MAGI1: variants seen among roughly 807,000 people sequenced by gnomAD.
MAGI1 encodes the protein membrane associated guanylate kinase, WW and PDZ domain containing 1.
A neutral mutation model predicts 139.9 loss-of-function variants in MAGI1; 58 were observed. The ratio of observed to expected loss-of-function variants is 0.41; its 90% confidence interval spans 0.34 to 0.52. MAGI1 has a LOEUF of 0.52. Ranked by LOEUF, MAGI1 falls within the 20% of genes least tolerant of loss-of-function variation. The probability of loss-of-function intolerance (pLI) is 0.12; values close to 1 mark genes in which losing one functional copy is unlikely to be tolerated. For missense variants in MAGI1, 1,874 were observed against 1,901.6 expected (o/e 0.99, Z 0.27); for synonymous variants, 812 against 737.9 (o/e 1.10, Z -1.63).
At chr3:65,624,418 A>C (rs990253930) in intron 1 of MAGI1, among the ~76,000 whole-genome samples, 2 of 152,242 alleles carry the variant, frequency 1.3e-5, no homozygotes, top group African/African-American at 4.8e-5. Context: ...GGTATAATCA[A>C]GCACTGGGGT....
chr3:65,558,680 A>C (rs2080200816), intron 2 of MAGI1, among the ~76,000 whole-genome samples: 1 of 144,630 alleles, frequency 6.9e-6, no homozygotes, highest in African/African-American at 2.6e-5. Context: ...GCATGCTAAA[A>C]ACAAACAAAC....
chr3:65,652,907 G>C lies in MAGI1; in HGVS notation c.314-30819C>G, dbSNP rs550810635. ...GAAAGCCATGATGCCCAAAACTTCG[G>C]ACAAGAAAGCTATAGTCCTGGCCTA... On this transcript the variant is annotated intron_variant, in intron 1 of 22. Coordinates refer to ENST00000402939, the MANE Select transcript of MAGI1 (RefSeq NM_001033057.2). Among the ~76,000 whole-genome samples, 17 of 152,176 alleles carry C rather than the reference G, an allele frequency of 1.1e-4. No homozygotes were observed. The East Asian group carries it at 3.3e-3, about 29-fold the overall frequency.
chr3:65,819,984 G>A (rs202145569), intron 1 of MAGI1, among the ~76,000 whole-genome samples: 1 of 141,794 alleles, frequency 7.1e-6, no homozygotes, highest in Non-Finnish European at 1.5e-5. Context: ...TTTATATTAA[G>A]CAAATATACT....
At chr3:65,414,158 T>G (rs142893344) in intron 12 of MAGI1, among the ~76,000 whole-genome samples, 1 of 152,276 alleles carries the variant, frequency 6.6e-6, no homozygotes, top group African/African-American at 2.4e-5. Context: ...AAACACAACT[T>G]GAAAGGAATT....
At chr3:65,369,483 C>T (rs148352580) in intron 18 of MAGI1, among the ~76,000 whole-genome samples, 1 of 151,272 alleles carries the variant, frequency 6.6e-6, no homozygotes, top group African/African-American at 2.4e-5. Context: ...GCTGGGGTTT[C>T]GAGAACAGTG....
intron 13 of MAGI1, 67 bp downstream of exon 13, chr3:65,401,372 T>TGCCCCCA: frequency 1.3e-6 from 1 of 778,306 alleles, no homozygotes; most frequent in East Asian, 3.3e-5. Flanking sequence ...CAGAGTACCC[T>TGCCCCCA]CCCACCTCCA....
At chr3:65,394,085 G>A (rs1944178804) in intron 13 of MAGI1, among the ~76,000 whole-genome samples, 1 of 152,104 alleles carries the variant, frequency 6.6e-6, no homozygotes, top group Non-Finnish European at 1.5e-5. Context: ...GTCACGTCAT[G>A]GGTTTTTGAA....
chr3:65,546,121 A>C (rs901772866), intron 2 of MAGI1, among the ~76,000 whole-genome samples: 2 of 152,208 alleles, frequency 1.3e-5, no homozygotes, highest in African/African-American at 2.4e-5. Context: ...GCATATAAAC[A>C]TACATTTAAA....
chr3:65,791,099 G>T (rs1445517912), intron 1 of MAGI1, among the ~76,000 whole-genome samples: 6 of 151,990 alleles, frequency 3.9e-5, no homozygotes, highest in Admixed American at 6.5e-5. Flanking sequence ...TAAAAATAAA[G>T]AATGTGCAAA....
At chr3:65,461,636 C>T (rs1949806163) in intron 5 of MAGI1, among the ~76,000 whole-genome samples, 2 of 151,634 alleles carry the variant, frequency 1.3e-5, no homozygotes, top group Non-Finnish European at 1.5e-5. Flanking sequence ...CTACAGGCGC[C>T]CGCCACCACG....
intron 2 of MAGI1, chr3:65,498,898 G>A: frequency 2.0e-6 from 1 of 509,172 alleles, no homozygotes; most frequent in Non-Finnish European, 2.5e-6. Context: ...GTGGCTACTG[G>A]CCTGGTCAGT....
intron 1 of MAGI1, among the ~76,000 whole-genome samples, chr3:65,731,636 CAG>C (rs1029155776): frequency 7.2e-6 from 1 of 139,314 alleles, no homozygotes; most frequent in African/African-American, 2.7e-5. Flanking sequence ...GCCTGGGTGA[CAG>C]AGTGAGACTC....
At chr3:65,564,592 A>G (rs752471639) in intron 2 of MAGI1, among the ~76,000 whole-genome samples, 3 of 152,252 alleles carry the variant, frequency 2.0e-5, no homozygotes, top group Non-Finnish European at 4.4e-5. Flanking sequence ...AAATAAATAA[A>G]TAAGTAAAAA....
At chr3:65,803,245 G>C (rs2040629480) in intron 1 of MAGI1, among the ~76,000 whole-genome samples, 1 of 152,046 alleles carries the variant, frequency 6.6e-6, no homozygotes. Context: ...TATAACAGCA[G>C]GTGACAATTT....
chr3:65,988,564 C>T (rs2066002804), intron 1 of MAGI1, among the ~76,000 whole-genome samples: 1 of 152,124 alleles, frequency 6.6e-6, no homozygotes. Context: ...CAACAAAGAA[C>T]ACAATGAGAT....
chr3:65,844,073 A>T, intron 1 of MAGI1: 2 of 467,568 alleles, frequency 4.3e-6, no homozygotes, highest in Admixed American at 4.7e-5. Context: ...GCCATTCCAA[A>T]GCTACAACAG....
chr3:65,757,418 G>C (rs971999175), intron 1 of MAGI1, among the ~76,000 whole-genome samples: 1 of 152,210 alleles, frequency 6.6e-6, no homozygotes, highest in African/African-American at 2.4e-5. Flanking sequence ...GCTGAGGCAA[G>C]TGGATCACCT....
intron 2 of MAGI1, among the ~76,000 whole-genome samples, chr3:65,602,068 A>C (rs2082509129): frequency 1.3e-5 from 2 of 152,166 alleles, no homozygotes; most frequent in African/African-American, 4.8e-5. Flanking sequence ...TATAATCAAA[A>C]GGACAAGTAA....
Position 65,356,604 on chromosome 3 carries a change from C to T in MAGI1, c.4163G>A (p.Arg1388Lys), listed in dbSNP as rs772437991. 2 of 1,592,660 alleles carry T rather than the reference C, an allele frequency of 1.3e-6. No homozygotes were observed. Among genetic ancestry groups the T allele is most frequent in the South Asian group, 2.2e-5 (2 of 89,104 alleles). ...GGCCCTGCGCTCGGGCGAGCCCCCT[C>T]TCCTGCGCTCGGGGGACCTCCTCTG... Reference protein sequence around the residue: ...LEQRRSPERRRGGSPERRAKS... With the variant: ...LEQRRSPERRKGGSPERRAKS... The change falls in exon 23 of 23, where the codon AGA becomes AAA. Residue 1388 changes from arginine to lysine, a missense_variant. By Grantham distance (26) the Arg-to-Lys change is conservative. Coordinates refer to ENST00000402939, the MANE Select transcript of MAGI1 (RefSeq NM_001033057.2).
Sources: gnomAD v4.1 joint callset for allele counts (sites outside exome capture counted in the v4.1 genomes callset) on GRCh38, gnomAD v4.1.1 for gene constraint, MANE v1.5 for transcripts, NCBI Gene and HGNC (gene_info 2026-07-23, HGNC 2026-07-21) for gene names.